MGAT4C: variants seen among roughly 807,000 people sequenced by gnomAD.
MGAT4C encodes the protein MGAT4 family member C.
A neutral mutation model predicts 40.1 loss-of-function variants in MGAT4C; 19 were observed. The observed-to-expected ratio is 0.47, with a 90% CI of 0.33 to 0.70. The LOEUF is 0.70. Among genes scored for constraint, MGAT4C ranks in the 30% least tolerant of loss-of-function variants. MGAT4C has a pLI of 0.02. For synonymous variants in MGAT4C, 181 were observed against 187.1 expected (o/e 0.97, Z 0.27); for missense variants, 491 against 563.2 (o/e 0.87, Z 1.30).
At chr12:86,001,339 CAGT>C (rs1452999770) in intron 2 of MGAT4C, among the ~76,000 whole-genome samples, 1 of 152,200 alleles carries the variant, frequency 6.6e-6, no homozygotes, top group African/African-American at 2.4e-5. Flanking sequence ...TACCCCATGG[CAGT>C]AGACCCTTGA....
intron 2 of MGAT4C, among the ~76,000 whole-genome samples, chr12:86,585,153 T>C (rs1040148846): frequency 1.6e-4 from 24 of 151,430 alleles, no homozygotes; most frequent in Admixed American, 1.5e-3. Flanking sequence ...TATGTTATAC[T>C]TAAATATTAT....
At chr12:86,388,573 C>T (rs542963340) in intron 3 of MGAT4C, among the ~76,000 whole-genome samples, 57 of 151,010 alleles carry the variant, frequency 3.8e-4, no homozygotes, top group African/African-American at 1.3e-3. Context: ...ATAAATAAAA[C>T]TAAATAAGAA....
chr12:86,501,093 G>T (rs555002674), intron 2 of MGAT4C, among the ~76,000 whole-genome samples: 26 of 151,996 alleles, frequency 1.7e-4, no homozygotes, highest in African/African-American at 6.3e-4. Flanking sequence ...GAAAGAAGAT[G>T]GTCTCCTTAA....
At chr12:86,321,272 T>A (rs2136162207) in intron 4 of MGAT4C, among the ~76,000 whole-genome samples, 1 of 152,284 alleles carries the variant, frequency 6.6e-6, no homozygotes, top group African/African-American at 2.4e-5. Flanking sequence ...CCACTTCAGT[T>A]ACATTAGCAA....
At chr12:86,332,186 T>C in intron 4 of MGAT4C, among the ~76,000 whole-genome samples, 1 of 152,164 alleles carries the variant, frequency 6.6e-6, no homozygotes, top group Middle Eastern at 3.2e-3. Flanking sequence ...TGTTGCTCAT[T>C]TACCCACAGT....
At chr12:85,995,869 C>T (rs1886567190) in intron 2 of MGAT4C, among the ~76,000 whole-genome samples, 1 of 152,132 alleles carries the variant, frequency 6.6e-6, no homozygotes, top group South Asian at 2.1e-4. Context: ...AACACCCTGT[C>T]TCAAAACAAA....
intron 1 of MGAT4C, among the ~76,000 whole-genome samples, chr12:86,782,456 C>T (rs1951863518): frequency 1.3e-5 from 2 of 152,076 alleles, no homozygotes; most frequent in Non-Finnish European, 2.9e-5. Flanking sequence ...GCTGGGATTA[C>T]AGGAGTGAGC....
chr12:86,637,653 G>T (rs1186061248), intron 2 of MGAT4C, among the ~76,000 whole-genome samples: 2 of 151,526 alleles, frequency 1.3e-5, no homozygotes, highest in Non-Finnish European at 2.9e-5. Flanking sequence ...AAGCTCCTCA[G>T]GCCAGTTAAA....
At chr12:86,315,118 T>C (rs900753222) in intron 4 of MGAT4C, among the ~76,000 whole-genome samples, 9 of 151,822 alleles carry the variant, frequency 5.9e-5, no homozygotes, top group Admixed American at 5.9e-4. Flanking sequence ...AACTATACTA[T>C]AATGCCACAG....
chr12:86,255,046 A>G (rs1952459904), intron 1 of MGAT4C, among the ~76,000 whole-genome samples: 1 of 152,124 alleles, frequency 6.6e-6, no homozygotes, highest in East Asian at 1.9e-4. Context: ...CTAGTTTGCA[A>G]AGGCAGAAAT....
intron 1 of MGAT4C, among the ~76,000 whole-genome samples, chr12:86,123,623 G>GAATTATCT (rs1211719216): frequency 6.6e-6 from 1 of 152,016 alleles, no homozygotes; most frequent in African/African-American, 2.4e-5. Context: ...GACATTTCAT[G>GAATTATCT]AATTATCTAA....
intron 1 of MGAT4C, among the ~76,000 whole-genome samples, chr12:86,167,837 G>A (rs1886354133): frequency 6.6e-6 from 1 of 152,122 alleles, no homozygotes; most frequent in Non-Finnish European, 1.5e-5. Flanking sequence ...CCACAGCAGT[G>A]AACATTTTCA....
rs147881500 is a variant in MGAT4C, at chr12:86,549,345, A to T, written c.-228-114080T>A. ...TGACTGCCAATGTTTCATCAGAAAG[A>T]TTCTATAAAGTTGCTCACTAATGCA... On this transcript the variant is annotated intron_variant, in intron 2 of 7. Coordinates refer to the MGAT4C transcript ENST00000548651. Among the ~76,000 whole-genome samples, 1,294 of 152,274 alleles carry T rather than the reference A, an allele frequency of 8.5e-3. 7 individuals are homozygous for T. Among genetic ancestry groups the T allele is most frequent in the Non-Finnish European group, 0.014 (955 of 68,008 alleles).
chr12:86,614,866 G>T (rs1962400816), intron 2 of MGAT4C, among the ~76,000 whole-genome samples: 1 of 151,764 alleles, frequency 6.6e-6, no homozygotes, highest in Admixed American at 6.6e-5. Flanking sequence ...ACTTTTCTTA[G>T]AAAATTTCCC....
chr12:86,387,848 C>T (rs1956084556), intron 3 of MGAT4C, among the ~76,000 whole-genome samples: 1 of 152,094 alleles, frequency 6.6e-6, no homozygotes, highest in Non-Finnish European at 1.5e-5. Flanking sequence ...TTTGTAGCTG[C>T]AAGCTTGACC....
chr12:86,106,100 T>C (rs1241444424), intron 1 of MGAT4C, among the ~76,000 whole-genome samples: 1 of 152,194 alleles, frequency 6.6e-6, no homozygotes, highest in African/African-American at 2.4e-5. Context: ...TATGTACTAA[T>C]AGTGCTTCCC....
chr12:86,552,026 C>CAAAAAAAAAAAAAAA (rs201076856), intron 2 of MGAT4C, among the ~76,000 whole-genome samples: 2 of 60,646 alleles, frequency 3.3e-5, no homozygotes, highest in Non-Finnish European at 3.4e-5. Flanking sequence ...TTAAAAAAAG[C>CAAAAAAAAAAAAAAA]AAAAAAAAAA....
chr12:86,687,894 T>G (rs1950101924), intron 2 of MGAT4C, among the ~76,000 whole-genome samples: 1 of 152,138 alleles, frequency 6.6e-6, no homozygotes, highest in Admixed American at 6.6e-5. Flanking sequence ...TCCTTGTTAA[T>G]TTTCTGTATT....
intron 3 of MGAT4C, among the ~76,000 whole-genome samples, chr12:86,365,424 C>G (rs962571082): frequency 1.3e-5 from 2 of 151,980 alleles, no homozygotes; most frequent in African/African-American, 2.4e-5. Context: ...CCCCAGCTTA[C>G]GAGGATGACG....
Sources: allele counts gnomAD v4.1 joint callset (sites outside exome capture counted in the v4.1 genomes callset), GRCh38; gene constraint gnomAD v4.1.1; transcripts MANE v1.5; gene names NCBI Gene and HGNC (gene_info 2026-07-23, HGNC 2026-07-21).